RALGAPA2: variants seen among roughly 807,000 people sequenced by gnomAD.
RALGAPA2 encodes ral GTPase-activating protein subunit alpha-2.
Under a neutral mutation model 230.4 loss-of-function variants are expected in RALGAPA2, and 139 were observed. The ratio of observed to expected loss-of-function variants is 0.60; its 90% confidence interval spans 0.53 to 0.69. The LOEUF (loss-of-function observed/expected upper bound fraction) is 0.69. Ranked by LOEUF, RALGAPA2 falls within the 30% of genes least tolerant of loss-of-function variation. RALGAPA2 has a pLI of 0.00. For synonymous variants in RALGAPA2, 847 were observed against 837.8 expected, an observed-to-expected ratio of 1.01 and a Z score of -0.19; for missense variants, 2,163 against 2,276.0, an observed-to-expected ratio of 0.95 and a Z score of 1.01.
intron 18 of RALGAPA2, 30 bp downstream of exon 18, chr20:20,589,238 A>G (rs1273380603): frequency 6.5e-7 from 1 of 1,528,510 alleles, no homozygotes; most frequent in Non-Finnish European, 8.8e-7. Context: ...ATTTTTAATG[A>G]CAAACTGAAA....
At chr20:20,413,493 C>G (rs1057095763) in intron 37 of RALGAPA2, among the ~76,000 whole-genome samples, 1 of 152,120 alleles carries the variant, frequency 6.6e-6, no homozygotes, top group African/African-American at 2.4e-5. Flanking sequence ...TAGCCACAAG[C>G]CACACGTGGA....
intron 37 of RALGAPA2, among the ~76,000 whole-genome samples, chr20:20,449,228 C>T (rs921138318): frequency 2.6e-5 from 4 of 152,202 alleles, no homozygotes; most frequent in African/African-American, 9.6e-5. Flanking sequence ...GCAACAAGTC[C>T]TGCAACATGG....
At chr20:20,405,246 G>A (rs1352449891) in intron 38 of RALGAPA2, among the ~76,000 whole-genome samples, 1 of 152,224 alleles carries the variant, frequency 6.6e-6, no homozygotes, top group Non-Finnish European at 1.5e-5. Context: ...TTTTTGACAT[G>A]TGGTTATAGT....
chr20:20,635,102 T>G (rs1392686154), intron 9 of RALGAPA2, among the ~76,000 whole-genome samples: 4 of 152,132 alleles, frequency 2.6e-5, no homozygotes, highest in Non-Finnish European at 5.9e-5. Context: ...AGGCCTCTGT[T>G]CTCATGCTCA....
intron 26 of RALGAPA2, among the ~76,000 whole-genome samples, chr20:20,533,312 A>G (rs2063414566): frequency 6.6e-6 from 1 of 152,078 alleles, no homozygotes; most frequent in South Asian, 2.1e-4. Flanking sequence ...CTAAAAGAAG[A>G]CTATAAAAAG....
chr20:20,485,479 T>G (rs934977131), intron 36 of RALGAPA2, among the ~76,000 whole-genome samples: 1 of 152,242 alleles, frequency 6.6e-6, no homozygotes, highest in African/African-American at 2.4e-5. Context: ...CTGACATGTA[T>G]TTTATTCATT....
At chr20:20,660,214 CA>C (rs1057461846) in intron 3 of RALGAPA2, among the ~76,000 whole-genome samples, 45 of 148,848 alleles carry the variant, frequency 3.0e-4, no homozygotes, top group African/African-American at 1.1e-3. Flanking sequence ...GGCAACAGAG[CA>C]AGACTCTGTC....
At chr20:20,531,496 G>A (rs769064021) in intron 27 of RALGAPA2, among the ~76,000 whole-genome samples, 191 bp downstream of exon 27, 7 of 152,242 alleles carry the variant, frequency 4.6e-5, no homozygotes, top group Non-Finnish European at 7.3e-5. Context: ...CGAGACACTC[G>A]TGGCCAGGCT....
In RALGAPA2 at chr20:20,643,548, G is replaced by A. The variant is rs1389396552; in HGVS notation, c.330C>T (p.Gly110=). 2.7e-6 allele frequency: 4 copies of A among 1,468,208 alleles called. No homozygotes were observed. The highest frequency in any genetic ancestry group is 2.5e-5 in the East Asian group (1 of 39,428). 90.9% of individuals were successfully genotyped at this position (1,468,208 alleles called of 1,614,324 possible). Residue 110 remains glycine (G), a splice_region_variant and synonymous_variant, in exon 5 of 40, where the codon GGC becomes GGT. Transcript: ENST00000202677. ...IFFRWHYQSI[G]STLKKLLHTG... ...TGTGTAGAAGCTTCTTTAAAGTTGA[G>A]CCTGAAAGTTTAAAATAATGAATTA...
intron 23 of RALGAPA2, among the ~76,000 whole-genome samples, chr20:20,564,897 C>T (rs2064365341): frequency 6.6e-6 from 1 of 152,138 alleles, no homozygotes; most frequent in African/African-American, 2.4e-5. Flanking sequence ...CCACATTAGT[C>T]CTATTTTTAC....
In RALGAPA2 at chr20:20,619,313, AT is replaced by A; in HGVS notation, c.1502del (p.Asn501IlefsTer4). 1 of 1,610,666 alleles carries A rather than the reference AT, an allele frequency of 6.2e-7. No individual in the cohort carries two copies. The highest frequency in any genetic ancestry group is 8.5e-7 in the Non-Finnish European group (1 of 1,177,888). On this transcript the variant is annotated frameshift_variant, in exon 12 of 40. Transcript: ENST00000202677. LOFTEE classifies it high-confidence loss of function. ...CCTGGACGCCGGCTTTCACATTTGTATTTTCCTCCTCTGTCACACACCCTCT... is the reference window on the plus strand; with the variant it reads ...CCTGGACGCCGGCTTTCACATTTGTATTTCCTCCTCTGTCACACACCCTCT... Reference protein sequence around the residue: ...MSRGCVTEEENTNVKAGVQAL... With the variant: ...MSRGCVTEEEXTNVKAGVQAL...
At chr20:20,408,927 C>T (rs1273192924) in intron 38 of RALGAPA2, among the ~76,000 whole-genome samples, 1 of 152,116 alleles carries the variant, frequency 6.6e-6, no homozygotes, top group African/African-American at 2.4e-5. Context: ...GTTATCAATA[C>T]AAGTAATGGA....
chr20:20,396,563 CG>C, intron 39 of RALGAPA2, 131 bp downstream of exon 39: 1 of 791,376 alleles, frequency 1.3e-6, no homozygotes, highest in East Asian at 3.0e-5. Context: ...GCAGGGCCCC[CG>C]GGGAGGGGAA....
intron 27 of RALGAPA2, among the ~76,000 whole-genome samples, chr20:20,528,535 GA>G (rs1210010516): frequency 6.6e-6 from 1 of 152,190 alleles, no homozygotes; most frequent in Non-Finnish European, 1.5e-5. Context: ...GGAGAAGGAG[GA>G]AAGTCAGTCA....
chr20:20,536,553 C>A, intron 25 of RALGAPA2, 103 bp downstream of exon 25: 1 of 1,305,442 alleles, frequency 7.7e-7, no homozygotes. Flanking sequence ...TACAGCAAAA[C>A]TTCAGGAATA....
At chr20:20,436,027 G>A (rs1278730749) in intron 37 of RALGAPA2, among the ~76,000 whole-genome samples, 1 of 152,192 alleles carries the variant, frequency 6.6e-6, no homozygotes, top group Non-Finnish European at 1.5e-5. Context: ...CAAAATTGCT[G>A]ATTTTTAACC....
At chr20:20,439,215 T>C (rs1041448400) in intron 37 of RALGAPA2, among the ~76,000 whole-genome samples, 1 of 151,948 alleles carries the variant, frequency 6.6e-6, no homozygotes, top group Non-Finnish European at 1.5e-5. Context: ...GTCCTGGTTT[T>C]AGTTTTTTTT....
At chr20:20,525,023 G>T in intron 28 of RALGAPA2, 125 bp from the exon 29 acceptor site, 1 of 781,450 alleles carries the variant, frequency 1.3e-6, no homozygotes, top group South Asian at 1.9e-5. Flanking sequence ...ACAGAAAGGT[G>T]ATAAAAAGCA....
intron 21 of RALGAPA2, 103 bp downstream of exon 21, chr20:20,572,770 TTG>T: frequency 2.1e-6 from 2 of 966,462 alleles, no homozygotes; most frequent in Non-Finnish European, 2.9e-6. Flanking sequence ...AATGTACCAT[TTG>T]TGTTTCGGAA....
Sources: allele counts gnomAD v4.1 joint callset (sites outside exome capture counted in the v4.1 genomes callset), GRCh38; gene constraint gnomAD v4.1.1; transcripts MANE v1.5; gene names NCBI Gene and HGNC (gene_info 2026-07-23, HGNC 2026-07-21).